The following CCDC92 variants were observed in gnomAD, a reference collection of about 807,000 sequenced individuals.
CCDC92 encodes coiled-coil domain containing 92.
In CCDC92, 12 loss-of-function variants were observed where a neutral mutation model predicts 24.9. That is an observed-to-expected ratio of 0.48 (90% CI 0.31 to 0.78). The LOEUF is 0.78. Among genes scored for constraint, CCDC92 ranks in the 30% least tolerant of loss-of-function variants. The pLI, the probability that CCDC92 is intolerant of heterozygous loss-of-function variation, is 0.05. For missense variants in CCDC92, 399 were observed against 439.4 expected, an observed-to-expected ratio of 0.91 and a Z score of 0.82; for synonymous variants, 193 against 196.3, an observed-to-expected ratio of 0.98 and a Z score of 0.14.
intron 1 of CCDC92, 99 bp from the exon 2 acceptor site, chr12:123,944,463 G>C: frequency 1.5e-6 from 1 of 648,500 alleles, no homozygotes; most frequent in East Asian, 3.4e-5. Flanking sequence ...AGAACCCTCC[G>C]TAAAGGAGGT....
At chr12:123,955,205 C>A (rs1029000520) in intron 1 of CCDC92, among the ~76,000 whole-genome samples, 1 of 152,218 alleles carries the variant, frequency 6.6e-6, no homozygotes, top group Non-Finnish European at 1.5e-5. Context: ...CCTGAGCCAA[C>A]AATTTAAGGA....
intron 1 of CCDC92, chr12:123,972,228 C>G (rs1194812371): frequency 2.0e-5 from 3 of 152,180 alleles, no homozygotes; most frequent in Non-Finnish European, 4.4e-5. Flanking sequence ...CCGGCAGACC[C>G]CGCGGGGGCG....
chr12:123,943,906 C>A, intron 2 of CCDC92: 1 of 449,608 alleles, frequency 2.2e-6, no homozygotes, highest in Non-Finnish European at 4.0e-6. Context: ...ATCCTGTCCT[C>A]TCCACGCACC....
chr12:123,953,834 T>C (rs1956086994), intron 1 of CCDC92, among the ~76,000 whole-genome samples: 1 of 151,462 alleles, frequency 6.6e-6, no homozygotes, highest in Non-Finnish European at 1.5e-5. Context: ...CATCCGCCTG[T>C]AATCCCAGCT....
chr12:123,940,687 A>G (rs1325619132), intron 4 of CCDC92, among the ~76,000 whole-genome samples: 1 of 152,190 alleles, frequency 6.6e-6, no homozygotes, highest in Non-Finnish European at 1.5e-5. Flanking sequence ...ACAGCAGCCA[A>G]CTGCTGCTGG....
chr12:123,972,027 C>CG (rs1479293083), intron 1 of CCDC92: 1 of 152,268 alleles, frequency 6.6e-6, no homozygotes, highest in Non-Finnish European at 1.5e-5. Context: ...CAGACAAAGC[C>CG]GGGCTAGGCC....
In CCDC92 at chr12:123,972,690, A is replaced by C. The variant is rs1467979685; in HGVS notation, c.-221T>G. ...CCGGGCCGGGCCGCCGAGGGAGGTC[A>C]GTGGGCACCGCCCGCCCGGCGCATC... On this transcript the variant is annotated 5_prime_UTR_variant, in exon 1 of 5. The change abolishes the stop of an existing upstream ORF in the 5' untranslated region. Coordinates refer to ENST00000238156, the MANE Select transcript of CCDC92 (RefSeq NM_025140.3). 1 of 145,988 alleles carries C rather than the reference A, an allele frequency of 6.8e-6. No individual in the cohort carries two copies. Among genetic ancestry groups the C allele is most frequent in the Non-Finnish European group, 1.5e-5 (1 of 65,834 alleles). The allele number at this position is 145,988 out of a possible 1,614,324, so 9.0% of individuals were successfully genotyped here. A position where few individuals can be genotyped will look rare whatever the true frequency, so the allele number is the denominator to read the frequency against.
intron 4 of CCDC92, among the ~76,000 whole-genome samples, chr12:123,941,928 C>T (rs1955697274): frequency 6.6e-6 from 1 of 152,248 alleles, no homozygotes; most frequent in African/African-American, 2.4e-5. Flanking sequence ...ATGTCCTCGT[C>T]TCCTTTGTTT....
intron 1 of CCDC92, among the ~76,000 whole-genome samples, chr12:123,965,769 G>A (rs1566179647): frequency 6.6e-6 from 1 of 152,158 alleles, no homozygotes; most frequent in Non-Finnish European, 1.5e-5. Flanking sequence ...CCATGGCCTG[G>A]TACACACCAA....
intron 1 of CCDC92, among the ~76,000 whole-genome samples, chr12:123,967,609 G>T (rs1042881872): frequency 6.6e-6 from 1 of 152,202 alleles, no homozygotes; most frequent in East Asian, 1.9e-4. Context: ...GAAAAATATG[G>T]AGAGCCTAAG....
intron 1 of CCDC92, among the ~76,000 whole-genome samples, chr12:123,957,066 T>C (rs1956165165): frequency 6.6e-6 from 1 of 152,256 alleles, no homozygotes; most frequent in Non-Finnish European, 1.5e-5. Context: ...TTTGACCTTG[T>C]GCCCCCATAA....
At chr12:123,966,967 T>A (rs1956406887) in intron 1 of CCDC92, among the ~76,000 whole-genome samples, 1 of 152,182 alleles carries the variant, frequency 6.6e-6, no homozygotes, top group Non-Finnish European at 1.5e-5. Flanking sequence ...ATATTTATTT[T>A]GTCTCTCCCC....
chr12:123,964,028 T>G (rs781351153), intron 1 of CCDC92, among the ~76,000 whole-genome samples: 4 of 152,230 alleles, frequency 2.6e-5, no homozygotes, highest in Admixed American at 6.5e-5. Flanking sequence ...ACAGGTTCCA[T>G]GGTCACCAGG....
chr12:123,969,067 T>C (rs1956459717), intron 1 of CCDC92, among the ~76,000 whole-genome samples: 1 of 152,228 alleles, frequency 6.6e-6, no homozygotes, highest in Non-Finnish European at 1.5e-5. Context: ...CCCCACCTCA[T>C]TGACCCACTT....
chr12:123,941,665 C>T (rs75056161), intron 4 of CCDC92, among the ~76,000 whole-genome samples: 1,908 of 152,330 alleles, frequency 0.013, 30 homozygotes, highest in African/African-American at 0.042. Flanking sequence ...GTAGCTGCTC[C>T]GCCTTGCCCC....
intron 1 of CCDC92, among the ~76,000 whole-genome samples, chr12:123,947,130 G>A (rs1485558036): frequency 6.6e-6 from 1 of 152,218 alleles, no homozygotes; most frequent in Non-Finnish European, 1.5e-5. Context: ...GGTGTACTGG[G>A]TCCCCTAGCA....
chr12:123,966,690 A>T (rs1316550645), intron 1 of CCDC92: 1 of 152,206 alleles, frequency 6.6e-6, no homozygotes, highest in African/African-American at 2.4e-5. Context: ...AGGAATGGCT[A>T]ATTTGCTGCT....
intron 1 of CCDC92, among the ~76,000 whole-genome samples, chr12:123,950,624 G>A (rs1956001595): frequency 6.6e-6 from 1 of 152,104 alleles, no homozygotes; most frequent in Non-Finnish European, 1.5e-5. Context: ...CGGTCCCAGG[G>A]CCAGGGGCAG....
intron 1 of CCDC92, among the ~76,000 whole-genome samples, chr12:123,970,585 G>A (rs867944058): frequency 1.3e-5 from 2 of 152,186 alleles, no homozygotes; most frequent in South Asian, 2.1e-4. Context: ...TACCTAGCCG[G>A]GATGAAACTT....
Sources: gnomAD v4.1 joint callset for allele counts (sites outside exome capture counted in the v4.1 genomes callset) on GRCh38, gnomAD v4.1.1 for gene constraint, MANE v1.5 for transcripts, NCBI Gene and HGNC (gene_info 2026-07-23, HGNC 2026-07-21) for gene names.